IMMP2L: variants seen among roughly 807,000 people sequenced by gnomAD.
IMMP2L encodes inner mitochondrial membrane peptidase subunit 2, also known as mitochondrial inner membrane protease subunit 2.
A neutral mutation model predicts 19.3 loss-of-function variants in IMMP2L; 18 were observed. That is an observed-to-expected ratio of 0.93 (90% CI 0.64 to 1.38). IMMP2L has a LOEUF of 1.38. IMMP2L is among the 40% of genes most tolerant of loss of function. The pLI is 0.00. For synonymous variants in IMMP2L, 76 were observed against 73.0 expected (o/e 1.04, Z -0.21); for missense variants, 233 against 218.2 (o/e 1.07, Z -0.43).
intron 1 of IMMP2L, among the ~76,000 whole-genome samples, chr7:111,560,025 T>G (rs1413745374): frequency 1.6e-5 from 1 of 63,204 alleles, no homozygotes. Flanking sequence ...ATATAAAACA[T>G]GTATTATGTT....
chr7:110,917,329 C>T (rs1221698657), intron 4 of IMMP2L, among the ~76,000 whole-genome samples: 6 of 152,150 alleles, frequency 3.9e-5, no homozygotes, highest in South Asian at 2.1e-4. Flanking sequence ...TAATTTGTTA[C>T]GACAGCCTCA....
At chr7:111,087,306 G>A (rs1326008756) in intron 3 of IMMP2L, among the ~76,000 whole-genome samples, 1 of 151,922 alleles carries the variant, frequency 6.6e-6, no homozygotes, top group Non-Finnish European at 1.5e-5. Flanking sequence ...AAAATTTGCA[G>A]GGCATGGTGG....
At chr7:110,955,440 A>C (rs1220331547) in intron 4 of IMMP2L, among the ~76,000 whole-genome samples, 3 of 152,002 alleles carry the variant, frequency 2.0e-5, no homozygotes, top group East Asian at 2.0e-4. Context: ...GTGACAACTA[A>C]ACCCTTGTAC....
chr7:111,355,280 A>G (rs960030886), intron 3 of IMMP2L, among the ~76,000 whole-genome samples: 8 of 151,890 alleles, frequency 5.3e-5, no homozygotes, highest in African/African-American at 1.9e-4. Flanking sequence ...TAAAAATATA[A>G]TGTACATAAT....
chr7:111,507,258 AC>A (rs1427800681), intron 2 of IMMP2L, among the ~76,000 whole-genome samples: 1 of 152,138 alleles, frequency 6.6e-6, no homozygotes, highest in East Asian at 1.9e-4. Flanking sequence ...TTATTTTCCA[AC>A]CCAAAAAAGT....
At chr7:111,148,956 A>G (rs967415299) in intron 3 of IMMP2L, among the ~76,000 whole-genome samples, 2 of 152,204 alleles carry the variant, frequency 1.3e-5, no homozygotes, top group African/African-American at 2.4e-5. Flanking sequence ...AAACAGAGAT[A>G]ACTTAATGAG....
At chr7:110,680,336 G>A (rs566698749) in intron 5 of IMMP2L, among the ~76,000 whole-genome samples, 127 of 152,280 alleles carry the variant, frequency 8.3e-4, no homozygotes, top group African/African-American at 2.9e-3. Context: ...GTCTGCAAGT[G>A]AATGATGAGC....
intron 5 of IMMP2L, among the ~76,000 whole-genome samples, chr7:110,861,073 G>GTA (rs1283933555): frequency 9.1e-5 from 9 of 98,840 alleles, no homozygotes; most frequent in African/African-American, 3.7e-4. Context: ...AGCAGTTTGT[G>GTA]TGTGTGTGTG....
intron 4 of IMMP2L, among the ~76,000 whole-genome samples, chr7:110,922,484 T>C (rs561571393): frequency 6.6e-6 from 1 of 152,332 alleles, no homozygotes; most frequent in Admixed American, 6.5e-5. Flanking sequence ...TATACTTTGA[T>C]ATAGTATTTT....
At chr7:110,826,895 CCTT>C (rs762134077) in intron 5 of IMMP2L, among the ~76,000 whole-genome samples, 17 of 151,880 alleles carry the variant, frequency 1.1e-4, no homozygotes, top group South Asian at 6.2e-4. Flanking sequence ...TAATTTTACT[CCTT>C]CATCAAAGGC....
intron 5 of IMMP2L, among the ~76,000 whole-genome samples, chr7:110,824,247 C>G (rs763661778): frequency 7.9e-5 from 12 of 152,014 alleles, no homozygotes; most frequent in Non-Finnish European, 1.3e-4. Flanking sequence ...TCTCCTTTCA[C>G]CCTTCTTTAG....
At chr7:110,674,466 T>A (rs1792146311) in intron 5 of IMMP2L, among the ~76,000 whole-genome samples, 1 of 152,182 alleles carries the variant, frequency 6.6e-6, no homozygotes, top group Non-Finnish European at 1.5e-5. Context: ...TTTAAATCCA[T>A]TTGATTAAAA....
chr7:111,448,365 A>C (rs1838747034), intron 3 of IMMP2L, among the ~76,000 whole-genome samples: 1 of 151,028 alleles, frequency 6.6e-6, no homozygotes. Context: ...TATCTCTCAG[A>C]CCACAGTGCA....
At chr7:111,425,973 A>G (rs1364803653) in intron 3 of IMMP2L, among the ~76,000 whole-genome samples, 1 of 151,212 alleles carries the variant, frequency 6.6e-6, no homozygotes, top group Non-Finnish European at 1.5e-5. Context: ...ATGCTACAGA[A>G]AAAGAGAACT....
In IMMP2L at chr7:110,928,566, G is replaced by C. The variant is rs566732147; in HGVS notation, c.305+34934C>G. Among the ~76,000 whole-genome samples the C allele has an allele frequency of 5.3e-5, 8 of 149,566 alleles. No homozygotes were observed. The South Asian group carries it at 1.1e-3, about 20-fold the overall frequency. On this transcript the variant is annotated intron_variant, in intron 4 of 5. Coordinates refer to ENST00000405709, the MANE Select transcript of IMMP2L (RefSeq NM_032549.4). Reference sequence around the variant, plus strand: ...CAGAACCTCACAGAGACACCCAGGAGATAGAGAATCAAACAGTAATACACA... The same window carrying C: ...CAGAACCTCACAGAGACACCCAGGACATAGAGAATCAAACAGTAATACACA...
chr7:111,373,572 T>C (rs1830430342), intron 3 of IMMP2L, among the ~76,000 whole-genome samples: 1 of 152,066 alleles, frequency 6.6e-6, no homozygotes, highest in Non-Finnish European at 1.5e-5. Context: ...TCAATTTGTC[T>C]GTTTTCTTGA....
At chr7:110,929,762 T>C (rs551135614) in intron 4 of IMMP2L, among the ~76,000 whole-genome samples, 131 of 152,306 alleles carry the variant, frequency 8.6e-4, no homozygotes, top group African/African-American at 3.1e-3. Context: ...AATGATTAAA[T>C]AACAAAAAGG....
At chr7:111,134,962 A>G (rs956915647) in intron 3 of IMMP2L, among the ~76,000 whole-genome samples, 4 of 152,120 alleles carry the variant, frequency 2.6e-5, no homozygotes, top group Non-Finnish European at 5.9e-5. Context: ...CTCTTAAACA[A>G]AATATTTACT....
At chr7:110,939,014 C>T (rs1338595758) in intron 4 of IMMP2L, among the ~76,000 whole-genome samples, 2 of 152,134 alleles carry the variant, frequency 1.3e-5, no homozygotes, top group East Asian at 1.9e-4. Context: ...CTATTTGCCA[C>T]TGAGAAGCTA....
Sources: gnomAD v4.1 joint callset for allele counts (sites outside exome capture counted in the v4.1 genomes callset) on GRCh38, gnomAD v4.1.1 for gene constraint, MANE v1.5 for transcripts, NCBI Gene and HGNC (gene_info 2026-07-23, HGNC 2026-07-21) for gene names.